MACROD2: variants seen among roughly 807,000 people sequenced by gnomAD.
The protein encoded by MACROD2 is mono-ADP ribosylhydrolase 2.
MACROD2 carries 36 observed loss-of-function variants against 70.4 expected under a neutral mutation model. The ratio of observed to expected loss-of-function variants is 0.51; its 90% CI spans 0.39 to 0.68. The LOEUF is 0.68. Among genes scored for constraint, MACROD2 ranks in the 30% least tolerant of loss-of-function variants. MACROD2 has a pLI of 0.00. For missense variants in MACROD2, 496 were observed against 538.4 expected (o/e 0.92, Z 0.78); for synonymous variants, 172 against 178.8 (o/e 0.96, Z 0.30).
At chr20:15,074,180 G>T (rs886446206) in intron 5 of MACROD2, among the ~76,000 whole-genome samples, 3 of 152,172 alleles carry the variant, frequency 2.0e-5, no homozygotes, top group African/African-American at 7.2e-5. Flanking sequence ...AAGGATGGGG[G>T]CTGGTCACAG....
chr20:15,878,332 G>A (rs6074961), intron 9 of MACROD2, among the ~76,000 whole-genome samples: 110,263 of 151,960 alleles, frequency 0.73, 41,393 homozygotes, highest in East Asian at 0.85. Context: ...TCTTCAACAG[G>A]CCAATATTGG....
chr20:15,094,244 A>G (rs2075812723), intron 5 of MACROD2, among the ~76,000 whole-genome samples: 1 of 152,202 alleles, frequency 6.6e-6, no homozygotes, highest in African/African-American at 2.4e-5. Flanking sequence ...TCAGATAATA[A>G]TACTTTGATG....
intron 8 of MACROD2, among the ~76,000 whole-genome samples, chr20:15,657,772 C>G (rs577570061): frequency 2.6e-5 from 4 of 152,278 alleles, no homozygotes; most frequent in African/African-American, 9.6e-5. Flanking sequence ...GCAGGCAGAT[C>G]AGCTGAGGTC....
At chr20:14,709,947 A>G (rs568742898) in intron 5 of MACROD2, among the ~76,000 whole-genome samples, 1 of 152,306 alleles carries the variant, frequency 6.6e-6, no homozygotes, top group East Asian at 1.9e-4. Context: ...TGAGAATATT[A>G]ATTTCATGTT....
intron 7 of MACROD2, among the ~76,000 whole-genome samples, chr20:15,460,124 G>A (rs982616533): frequency 3.3e-5 from 5 of 152,160 alleles, no homozygotes; most frequent in African/African-American, 1.2e-4. Flanking sequence ...TTGAACCCAG[G>A]AGAACGAAGG....
chr20:14,108,134 C>CTGTCTAT (rs2054396562), intron 3 of MACROD2, among the ~76,000 whole-genome samples: 1 of 151,890 alleles, frequency 6.6e-6, no homozygotes, highest in Non-Finnish European at 1.5e-5. Context: ...AGTTAAGGTA[C>CTGTCTAT]ATGGTAGTTA....
intron 5 of MACROD2, among the ~76,000 whole-genome samples, chr20:15,204,410 G>A (rs1028636311): frequency 1.3e-5 from 2 of 152,050 alleles, no homozygotes; most frequent in Admixed American, 6.5e-5. Context: ...TAATTGCATA[G>A]CATCAATTCA....
chr20:14,228,370 C>G (rs2081765559), intron 3 of MACROD2, among the ~76,000 whole-genome samples: 1 of 146,728 alleles, frequency 6.8e-6, no homozygotes, highest in Non-Finnish European at 1.5e-5. Context: ...TGGAGTCTCT[C>G]TCTGTCACCC....
rs142162678 is a variant in MACROD2 at position 14,760,640 on chromosome 20, G to C, written c.418+75681G>C. Among the ~76,000 whole-genome samples the C allele has an allele frequency of 4.4e-3, 664 of 152,014 alleles. 9 individuals are homozygous for C. Among genetic ancestry groups the C allele is most frequent in the African/African-American group, 0.015 (637 of 41,444 alleles). On this transcript the variant is annotated intron_variant, in intron 5 of 17. Transcript: ENST00000684519. The stretch of plus-strand genomic sequence containing the variant: ...ACATGCACCATCCACCAGGCCTTTT[G>C]GTTCTTTTTAACCTTTTAGTTTCCC...
chr20:14,076,983 C>T (rs914112794), intron 2 of MACROD2, among the ~76,000 whole-genome samples: 9 of 152,066 alleles, frequency 5.9e-5, no homozygotes, highest in Admixed American at 5.9e-4. Context: ...AACAAAAATC[C>T]ATGTGTTTAA....
At chr20:14,300,702 G>T (rs1472434853) in intron 3 of MACROD2, among the ~76,000 whole-genome samples, 1 of 152,280 alleles carries the variant, frequency 6.6e-6, no homozygotes, top group East Asian at 1.9e-4. Context: ...GCTGGGCCAG[G>T]CTCAGAGTCC....
intron 8 of MACROD2, among the ~76,000 whole-genome samples, chr20:15,842,503 A>G (rs2064182570): frequency 6.6e-6 from 1 of 150,978 alleles, no homozygotes; most frequent in Admixed American, 6.6e-5. Flanking sequence ...GACACCAAAG[A>G]AATTGGCTAA....
At chr20:14,116,502 G>T (rs991699976) in intron 3 of MACROD2, among the ~76,000 whole-genome samples, 18 of 152,246 alleles carry the variant, frequency 1.2e-4, no homozygotes, top group African/African-American at 3.4e-4. Flanking sequence ...CTTTGTATCA[G>T]TGGGGCTGCC....
At chr20:15,942,700 A>C (rs73103588) in intron 12 of MACROD2, among the ~76,000 whole-genome samples, 26,255 of 152,154 alleles carry the variant, frequency 0.17, 2,310 homozygotes, top group South Asian at 0.29. Context: ...TATTATTACT[A>C]TTTAAGATAT....
At chr20:14,160,163 G>C (rs2055164129) in intron 3 of MACROD2, among the ~76,000 whole-genome samples, 1 of 152,126 alleles carries the variant, frequency 6.6e-6, no homozygotes, top group African/African-American at 2.4e-5. Flanking sequence ...GTTCATTAAA[G>C]ATACTGCCTG....
intron 8 of MACROD2, among the ~76,000 whole-genome samples, chr20:15,540,650 TAAACAATAG>T (rs2047942623): frequency 6.6e-6 from 1 of 152,188 alleles, no homozygotes; most frequent in African/African-American, 2.4e-5. Flanking sequence ...TTGAGCAGCT[TAAACAATAG>T]AAACAATAGA....
chr20:15,637,513 A>G (rs1480811675), intron 8 of MACROD2, among the ~76,000 whole-genome samples: 2 of 152,218 alleles, frequency 1.3e-5, no homozygotes, highest in East Asian at 3.8e-4. Flanking sequence ...GGGTTGTTTC[A>G]GACTGGCTTT....
At chr20:15,358,723 G>A (rs566294897) in intron 6 of MACROD2, among the ~76,000 whole-genome samples, 5 of 152,226 alleles carry the variant, frequency 3.3e-5, no homozygotes, top group African/African-American at 9.6e-5. Context: ...AGATCAAGAT[G>A]TCAGCAGATT....
intron 3 of MACROD2, among the ~76,000 whole-genome samples, chr20:14,367,806 T>A (rs1257951157): frequency 6.6e-6 from 1 of 152,110 alleles, no homozygotes; most frequent in Non-Finnish European, 1.5e-5. Context: ...TGCATTTATG[T>A]ATTTTTCAAA....
Sources: allele counts gnomAD v4.1 joint callset (sites outside exome capture counted in the v4.1 genomes callset), GRCh38; gene constraint gnomAD v4.1.1; transcripts MANE v1.5; gene names NCBI Gene and HGNC (gene_info 2026-07-23, HGNC 2026-07-21).